The following PHACTR3 variants were observed in gnomAD, a reference collection of about 807,000 sequenced individuals.
PHACTR3 encodes phosphatase and actin regulator 3.
PHACTR3 carries 16 observed loss-of-function variants against 66.8 expected under a neutral mutation model. The observed-to-expected ratio is 0.24, with a 90% CI of 0.16 to 0.36. The LOEUF is 0.36. Among genes scored for constraint, PHACTR3 ranks in the 10% least tolerant of loss-of-function variants. The pLI, the probability that PHACTR3 is intolerant of heterozygous loss-of-function variation, is 1.00. For missense variants in PHACTR3, 647 were observed against 719.9 expected (o/e 0.90, Z 1.16); for synonymous variants, 323 against 292.1 (o/e 1.11, Z -1.08).
intron 1 of PHACTR3, among the ~76,000 whole-genome samples, chr20:59,617,761 G>A (rs558584587): frequency 9.2e-5 from 14 of 152,318 alleles, no homozygotes; most frequent in Admixed American, 7.2e-4. Flanking sequence ...CATAGCTCAC[G>A]GCACGTGTCA....
At chr20:59,624,680 C>G (rs530754185) in intron 1 of PHACTR3, among the ~76,000 whole-genome samples, 1 of 152,178 alleles carries the variant, frequency 6.6e-6, no homozygotes, top group Non-Finnish European at 1.5e-5. Flanking sequence ...CTGGGCCTAC[C>G]CAAGGAACAT....
At chr20:59,763,514 C>T (rs539144399) in intron 4 of PHACTR3, among the ~76,000 whole-genome samples, 1 of 152,278 alleles carries the variant, frequency 6.6e-6, no homozygotes, top group East Asian at 1.9e-4. Flanking sequence ...AGGGAAGGCT[C>T]AGGAGAATTT....
chr20:59,689,621 C>G (rs1477940240), intron 1 of PHACTR3, among the ~76,000 whole-genome samples: 1 of 152,184 alleles, frequency 6.6e-6, no homozygotes, highest in Admixed American at 6.5e-5. Context: ...ATATTGAACC[C>G]CCTGCAATAG....
intron 1 of PHACTR3, among the ~76,000 whole-genome samples, chr20:59,583,550 C>T (rs2032920378): frequency 6.6e-6 from 1 of 152,240 alleles, no homozygotes; most frequent in South Asian, 2.1e-4. Context: ...AGGAGGGAGG[C>T]TCCCCGCGTG....
intron 8 of PHACTR3, among the ~76,000 whole-genome samples, chr20:59,809,106 G>C (rs899077007): frequency 3.3e-5 from 5 of 152,132 alleles, no homozygotes; most frequent in Non-Finnish European, 7.4e-5. Context: ...AGGAAGGGTT[G>C]TTTCTGGTCT....
chr20:59,650,515 C>T (rs187820628), intron 1 of PHACTR3, among the ~76,000 whole-genome samples: 15 of 152,134 alleles, frequency 9.9e-5, no homozygotes, highest in Admixed American at 9.2e-4. Flanking sequence ...ACCCATCAGA[C>T]TAGCAAAAAT....
At position 59,820,032 on chromosome 20, in the gene PHACTR3, C is replaced by T. The variant is rs559286334; in HGVS notation, c.1328+13838C>T. Among the ~76,000 whole-genome samples, 6 of 152,264 alleles carry T rather than the reference C, an allele frequency of 3.9e-5. No individual in the cohort carries two copies. The South Asian group carries it at 1.2e-3, about 32-fold the overall frequency. ...GACTTTCCCAGCCCTCCAGGGGGAC[C>T]GTTGCTGGGGCTTCCGGTCTCTCTT... On this transcript the variant is annotated intron_variant, in intron 8 of 12. Transcript: ENST00000371015. This position sits in a 1 kb window ranked among gnomAD's most constrained non-coding sequence, Gnocchi z 4.6.
At position 59,819,147 on chromosome 20, in the gene PHACTR3, G is replaced by A. The variant is rs947522541; in HGVS notation, c.1328+12953G>A. ...GGGCTGGGCGCAGTGGCTCATTCCC[G>A]CAATCCCAGAACTTTGGGAAGCCGA... On this transcript the variant is annotated intron_variant, in intron 8 of 12. Transcript: ENST00000371015. Among the ~76,000 whole-genome samples, 5 of 152,200 alleles carry A rather than the reference G, an allele frequency of 3.3e-5. No homozygotes were observed. In the South Asian group the frequency reaches 1.0e-3, roughly 32 times the overall value.
chr20:59,725,663 G>A lies in PHACTR3; in HGVS notation c.119-17444G>A, dbSNP rs558417283. On this transcript the variant is annotated intron_variant, in intron 1 of 12. Coordinates refer to ENST00000371015, the MANE Select transcript of PHACTR3 (RefSeq NM_080672.5). ...GCACCAGTGCTGGGAAAGTGGCACA[G>A]GGAGGCCAAGGAGGGGTAGTATCAG... 3.9e-5 allele frequency among the ~76,000 whole-genome samples: 6 copies of A among 152,322 alleles called. No individual in the cohort carries two copies. The South Asian group carries it at 8.3e-4, about 21-fold the overall frequency.
intron 7 of PHACTR3, among the ~76,000 whole-genome samples, chr20:59,801,902 C>G (rs1056736843): frequency 6.6e-6 from 1 of 152,194 alleles, no homozygotes; most frequent in Admixed American, 6.5e-5. Flanking sequence ...CCTGACCAAG[C>G]TTAGCGAGAC....
At chr20:59,589,426 G>C (rs549069289) in intron 1 of PHACTR3, among the ~76,000 whole-genome samples, 76 of 152,332 alleles carry the variant, frequency 5.0e-4, no homozygotes, top group African/African-American at 1.8e-3. Flanking sequence ...GTTTGTACAG[G>C]TTGATTCTTG....
At chr20:59,755,049 G>T (rs939014080) in intron 3 of PHACTR3, 133 bp from the exon 4 acceptor site, 6 of 836,512 alleles carry the variant, frequency 7.2e-6, no homozygotes, top group Non-Finnish European at 1.1e-5. Context: ...CTCCTAGGGT[G>T]TGTGGTGAGG....
intron 5 of PHACTR3, among the ~76,000 whole-genome samples, chr20:59,772,974 T>C (rs555569695): frequency 3.2e-4 from 49 of 152,128 alleles, no homozygotes; most frequent in Non-Finnish European, 5.6e-4. Context: ...GCTGAATTCA[T>C]AGCAGAGAAG....
At chr20:59,636,505 C>T (rs1206891321) in intron 1 of PHACTR3, among the ~76,000 whole-genome samples, 1 of 152,164 alleles carries the variant, frequency 6.6e-6, no homozygotes, top group Non-Finnish European at 1.5e-5. Flanking sequence ...CTGGTCAGCA[C>T]ACCATGGGAG....
chr20:59,779,764 G>C (rs969679818), intron 7 of PHACTR3, among the ~76,000 whole-genome samples: 2 of 152,210 alleles, frequency 1.3e-5, no homozygotes, highest in South Asian at 2.1e-4. Context: ...TTTGGAAATG[G>C]TGGAGGCCCT....
At chr20:59,699,175 C>T (rs538057532) in intron 1 of PHACTR3, among the ~76,000 whole-genome samples, 23 of 152,236 alleles carry the variant, frequency 1.5e-4, no homozygotes, top group Admixed American at 9.2e-4. Context: ...TGGTGACTGC[C>T]GTTATCTGCT....
At chr20:59,766,613 C>G (rs1377664145) in intron 4 of PHACTR3, among the ~76,000 whole-genome samples, 3 of 152,108 alleles carry the variant, frequency 2.0e-5, no homozygotes, top group Non-Finnish European at 4.4e-5. Context: ...GACCCTTCCT[C>G]CAAGTCGATC....
chr20:59,651,896 T>C (rs1230037018), intron 1 of PHACTR3, among the ~76,000 whole-genome samples: 2 of 152,002 alleles, frequency 1.3e-5, no homozygotes, highest in African/African-American at 4.8e-5. Context: ...CGGATAGATA[T>C]GGAGATACAT....
At chr20:59,837,911 G>C (rs537323886) in intron 9 of PHACTR3, among the ~76,000 whole-genome samples, 1 of 152,234 alleles carries the variant, frequency 6.6e-6, no homozygotes, top group Non-Finnish European at 1.5e-5. Context: ...TCCTATCGTG[G>C]GCAACCAGGT....
Sources: gnomAD v4.1 joint callset for allele counts (sites outside exome capture counted in the v4.1 genomes callset) on GRCh38, gnomAD v4.1.1 for gene constraint, Gnocchi (gnomAD v3.1) non-coding constraint, MANE v1.5 for transcripts, NCBI Gene and HGNC (gene_info 2026-07-23, HGNC 2026-07-21) for gene names.